Variants in SV2B observed in about 807,000 individuals in gnomAD.
The protein encoded by SV2B is synaptic vesicle glycoprotein 2B.
Under a neutral mutation model 73.9 loss-of-function variants are expected in SV2B, and 41 were observed. The ratio of observed to expected loss-of-function variants is 0.56; its 90% CI spans 0.43 to 0.72. The LOEUF (loss-of-function observed/expected upper bound fraction) is 0.72, where lower values mean the gene tolerates loss of function less well. Ranked by LOEUF, SV2B falls within the 30% of genes least tolerant of loss-of-function variation. The pLI is 0.00. For synonymous variants in SV2B, 314 were observed against 314.2 expected (o/e 1.00, Z 0.01); for missense variants, 764 against 857.8 (o/e 0.89, Z 1.37).
intron 1 of SV2B, among the ~76,000 whole-genome samples, chr15:91,184,878 A>G (rs1374719370): frequency 1.3e-5 from 2 of 152,244 alleles, no homozygotes; most frequent in Non-Finnish European, 2.9e-5. Context: ...AAATGTACAC[A>G]GGCAGATATA....
Position 91,239,547 on chromosome 15 carries a change from C to T in SV2B, c.452-12272C>T, listed in dbSNP as rs531708613. 6.6e-6 allele frequency among the ~76,000 whole-genome samples: 1 copy of T among 152,102 alleles called. No individual in the cohort carries two copies. Among genetic ancestry groups the T allele is most frequent in the Non-Finnish European group, 1.5e-5 (1 of 68,040 alleles). ...AGTGACTTGGTCAAGGTCATATACT[C>T]TCAGACCAGAATCTGGGACTCCTGA... On this transcript the variant is annotated intron_variant, in intron 2 of 12. Coordinates refer to ENST00000394232, the MANE Select transcript of SV2B (RefSeq NM_001323032.3). This position sits in a 1 kb window ranked among gnomAD's most constrained non-coding sequence, Gnocchi z 5.1.
intron 1 of SV2B, among the ~76,000 whole-genome samples, chr15:91,163,549 G>T (rs2043802102): frequency 6.6e-6 from 1 of 152,214 alleles, no homozygotes; most frequent in Non-Finnish European, 1.5e-5. Context: ...TCTGTTGGCT[G>T]TGTAAATGTC....
chr15:91,103,669 A>G (rs2041800472), intron 1 of SV2B, among the ~76,000 whole-genome samples: 1 of 152,176 alleles, frequency 6.6e-6, no homozygotes, highest in Admixed American at 6.5e-5. Flanking sequence ...CAGAAGGGCT[A>G]CTGCAGTGTG....
In SV2B at chr15:91,158,724, C is replaced by CTCTCCTCTCCTCTCCTCTTT. The variant is rs1555473901; in HGVS notation, c.-392+58365_-392+58366insCTCTCCTCTCCTCTTTTCTC. Among the ~76,000 whole-genome samples the CTCTCCTCTCCTCTCCTCTTT allele has an allele frequency of 2.8e-4, 16 of 56,642 alleles. 3 individuals are homozygous for CTCTCCTCTCCTCTCCTCTTT. The highest frequency in any genetic ancestry group is 4.8e-4 in the Non-Finnish European group (13 of 27,204). The allele number at this position is 56,642 out of a possible 152,430, so 37.2% of individuals were successfully genotyped here. A position where few individuals can be genotyped will look rare whatever the true frequency, so the allele number is the denominator to read the frequency against. Reference sequence around the variant, plus strand: ...CTCTCCTCTCCTCTCCTCTCCTCTCCTCTCTTCTCCTCTTTTTTCTCTCTC... The same window carrying CTCTCCTCTCCTCTCCTCTTT: ...CTCTCCTCTCCTCTCCTCTCCTCTCCTCTCCTCTCCTCTCCTCTTTTCTCTTCTCCTCTTTTTTCTCTCTC... On this transcript the variant is annotated intron_variant, in intron 1 of 12. Transcript: ENST00000394232.
intron 1 of SV2B, among the ~76,000 whole-genome samples, chr15:91,157,145 A>G (rs1317004660): frequency 6.6e-6 from 1 of 152,178 alleles, no homozygotes; most frequent in African/African-American, 2.4e-5. Flanking sequence ...GGATTTGGGA[A>G]GGATTTTTAC....
chr15:91,215,923 T>G (rs2046010060), intron 1 of SV2B, among the ~76,000 whole-genome samples: 1 of 152,214 alleles, frequency 6.6e-6, no homozygotes. Context: ...CTTTGAAGTA[T>G]TTGGTATTAC....
intron 2 of SV2B, among the ~76,000 whole-genome samples, chr15:91,238,628 G>A (rs768080373): frequency 3.3e-5 from 5 of 152,232 alleles, no homozygotes; most frequent in Non-Finnish European, 7.3e-5. Flanking sequence ...CTCTGTAGGC[G>A]AGAGAGGGAT....
At chr15:91,209,107 GTTTTTTGTTTTTTT>G (rs943636799) in intron 1 of SV2B, among the ~76,000 whole-genome samples, 6 of 121,954 alleles carry the variant, frequency 4.9e-5, no homozygotes, top group African/African-American at 2.2e-4. Context: ...TGGCAGTACT[GTTTTTTGTTTTTTT>G]TTTTTTTTTT....
chr15:91,184,520 A>G (rs1266959186), intron 1 of SV2B, among the ~76,000 whole-genome samples: 1 of 152,200 alleles, frequency 6.6e-6, no homozygotes, highest in African/African-American at 2.4e-5. Context: ...TCTTTAAAGA[A>G]TCTTCCCCAA....
At chr15:91,235,831 G>A (rs141171795) in intron 2 of SV2B, among the ~76,000 whole-genome samples, 1 of 152,304 alleles carries the variant, frequency 6.6e-6, no homozygotes, top group African/African-American at 2.4e-5. Flanking sequence ...GATATGTGGA[G>A]CTTGTGTAGA....
At chr15:91,107,439 A>G (rs2041916347) in intron 1 of SV2B, among the ~76,000 whole-genome samples, 1 of 151,720 alleles carries the variant, frequency 6.6e-6, no homozygotes, top group African/African-American at 2.4e-5. Flanking sequence ...CAGCCTCCTG[A>G]GTAGCTGGGA....
At chr15:91,178,870 G>T (rs2044434825) in intron 1 of SV2B, among the ~76,000 whole-genome samples, 1 of 145,784 alleles carries the variant, frequency 6.9e-6, no homozygotes, top group African/African-American at 2.5e-5. Flanking sequence ...TTTTTTGAAG[G>T]GTTTTTTGTG....
chr15:91,189,268 T>C (rs1322547125), intron 1 of SV2B, among the ~76,000 whole-genome samples: 1 of 152,180 alleles, frequency 6.6e-6, no homozygotes, highest in Non-Finnish European at 1.5e-5. Flanking sequence ...TCTAGTCATT[T>C]TTTCCTCTCA....
At position 91,265,323 on chromosome 15, in the gene SV2B, C is replaced by T. The variant is rs373939386; in HGVS notation, c.1009-1259C>T. ...GTTGAAGCATTCGGCTGAGAACCCA[C>T]GATCTGCAGGGCTGGGGGAACACAG... On this transcript the variant is annotated intron_variant, in intron 6 of 12. Transcript: ENST00000394232. This position sits in a 1 kb window ranked among gnomAD's most constrained non-coding sequence, Gnocchi z 4.2. 2.6e-5 allele frequency among the ~76,000 whole-genome samples: 4 copies of T among 152,284 alleles called. No individual in the cohort carries two copies. The highest frequency in any genetic ancestry group is 3.9e-4 in the East Asian group (2 of 5,178).
At chr15:91,134,142 G>A (rs1452905495) in intron 1 of SV2B, among the ~76,000 whole-genome samples, 1 of 151,750 alleles carries the variant, frequency 6.6e-6, no homozygotes, top group Non-Finnish European at 1.5e-5. Flanking sequence ...GGGATTACAG[G>A]TGTGCACCAC....
chr15:91,241,270 C>T lies in SV2B; in HGVS notation c.452-10549C>T, dbSNP rs2141562679. Reference sequence around the variant, plus strand: ...AATCACAGTCACTTTCTGTGCGCATCACCAGCTTCCTTGCACCTCTCTTAC... The same window carrying T: ...AATCACAGTCACTTTCTGTGCGCATTACCAGCTTCCTTGCACCTCTCTTAC... On this transcript the variant is annotated intron_variant, in intron 2 of 12. Transcript: ENST00000394232. This position sits in a 1 kb window ranked among gnomAD's most constrained non-coding sequence, Gnocchi z 4.8. 6.6e-6 allele frequency among the ~76,000 whole-genome samples: 1 copy of T among 152,308 alleles called. No individual in the cohort carries two copies. The highest frequency in any genetic ancestry group is 2.1e-4 in the South Asian group (1 of 4,826).
At position 91,239,554 on chromosome 15, in the gene SV2B, C is replaced by T. The variant is rs1596657092; in HGVS notation, c.452-12265C>T. ...TGGTCAAGGTCATATACTCTCAGAC[C>T]AGAATCTGGGACTCCTGACTATTGG... is the stretch of plus-strand genomic sequence containing the variant. On this transcript the variant is annotated intron_variant, in intron 2 of 12. Coordinates refer to ENST00000394232, the MANE Select transcript of SV2B (RefSeq NM_001323032.3). The surrounding 1 kb of genome is among the most constrained non-coding windows in gnomAD (Gnocchi z 5.1). Among the ~76,000 whole-genome samples the T allele has an allele frequency of 6.6e-6, 1 of 152,062 alleles. No individual in the cohort carries two copies. The highest frequency in any genetic ancestry group is 1.9e-4 in the East Asian group (1 of 5,180).
In SV2B at chr15:91,267,576, T is replaced by A. The variant is rs751434328; in HGVS notation, c.1141T>A (p.Cys381Ser). ...GTAGGTCTGGGATAATGCCCTGTAC[T>A]GTGTGATGGGGCCCTACAGAATGAA... ...FKQVWDNALY[C>S]VMGPYRMNTL... Residue 381 changes from cysteine (C) to serine (S), a missense_variant, in exon 8 of 13, where the codon TGT becomes AGT. Coordinates refer to ENST00000394232, the MANE Select transcript of SV2B (RefSeq NM_001323032.3). This position sits in a 1 kb window ranked among gnomAD's most constrained non-coding sequence, Gnocchi z 4.3. 8 of 1,613,368 alleles carry A rather than the reference T, an allele frequency of 5.0e-6. No individual in the cohort carries two copies. Among genetic ancestry groups the A allele is most frequent in the Non-Finnish European group, 6.8e-6 (8 of 1,179,730 alleles).
intron 1 of SV2B, among the ~76,000 whole-genome samples, chr15:91,161,029 CAT>C (rs3082099): frequency 0.39 from 59,366 of 151,776 alleles, 12,089 homozygotes; most frequent in East Asian, 0.7. Flanking sequence ...AACCTCAAAA[CAT>C]ACGCTAAATG....
Sources: allele counts gnomAD v4.1 joint callset (sites outside exome capture counted in the v4.1 genomes callset), GRCh38; gene constraint gnomAD v4.1.1; non-coding constraint Gnocchi (gnomAD v3.1); transcripts MANE v1.5; gene names NCBI Gene and HGNC (gene_info 2026-07-23, HGNC 2026-07-21).